SLC2A14: variants seen among roughly 807,000 people sequenced by gnomAD.
The protein encoded by SLC2A14 is solute carrier family 2 member 14.
A neutral mutation model predicts 43.0 loss-of-function variants in SLC2A14; 13 were observed. That is an observed-to-expected ratio of 0.30 (90% confidence interval 0.20 to 0.48). The LOEUF (loss-of-function observed/expected upper bound fraction) is 0.48, where lower values mean the gene tolerates loss of function less well. Among genes scored for constraint, SLC2A14 ranks in the 20% least tolerant of loss-of-function variants. The probability of loss-of-function intolerance (pLI) is 0.99; values close to 1 mark genes in which losing one functional copy is unlikely to be tolerated. For synonymous variants in SLC2A14, 190 were observed against 233.8 expected, an observed-to-expected ratio of 0.81 and a Z score of 1.71; for missense variants, 428 against 620.4, an observed-to-expected ratio of 0.69 and a Z score of 3.29.
At chr12:7,888,753 G>A (rs1043910692) in intron 1 of SLC2A14, among the ~76,000 whole-genome samples, 7 of 139,890 alleles carry the variant, frequency 5.0e-5, no homozygotes, top group South Asian at 2.2e-4. Flanking sequence ...AGCTGAGATC[G>A]TGCCACTGCA....
chr12:7,824,913 T>C (rs2120717150), intron 7 of SLC2A14, among the ~76,000 whole-genome samples: 1 of 151,454 alleles, frequency 6.6e-6, no homozygotes, highest in East Asian at 2.0e-4. Flanking sequence ...CAGGCTGGTC[T>C]CGAACTCCTG....
At chr12:7,861,436 G>C (rs1944556412) in intron 2 of SLC2A14, among the ~76,000 whole-genome samples, 1 of 151,958 alleles carries the variant, frequency 6.6e-6, no homozygotes. Flanking sequence ...CATTGCTTTT[G>C]TGCAAATTAG....
At chr12:7,831,554 C>G (rs1395221853) in intron 4 of SLC2A14, 50 bp downstream of exon 4, 1 of 1,608,176 alleles carries the variant, frequency 6.2e-7, no homozygotes, top group East Asian at 2.2e-5. Flanking sequence ...CACACTTGTC[C>G]CCAATGCATC....
chr12:7,869,973 C>T (rs2121058924), intron 1 of SLC2A14, 36 bp from the exon 2 acceptor site: 3 of 1,359,226 alleles, frequency 2.2e-6, no homozygotes, highest in Middle Eastern at 1.8e-4. Flanking sequence ...TCATTTACTC[C>T]ATCTACTTAA....
intron 1 of SLC2A14, among the ~76,000 whole-genome samples, chr12:7,879,018 C>CT (rs1209267537): frequency 8.4e-6 from 1 of 118,708 alleles, no homozygotes; most frequent in Middle Eastern, 4.8e-3. Flanking sequence ...ATTTGTCTTT[C>CT]TTTTTTTTCC....
intron 3 of SLC2A14, among the ~76,000 whole-genome samples, chr12:7,832,091 G>T (rs760613508): frequency 6.6e-6 from 1 of 152,240 alleles, no homozygotes; most frequent in Non-Finnish European, 1.5e-5. Context: ...CTGGGTGACA[G>T]AGCGAGACTA....
At chr12:7,834,327 T>C (rs944322968) in intron 2 of SLC2A14, among the ~76,000 whole-genome samples, 2 of 151,946 alleles carry the variant, frequency 1.3e-5, no homozygotes, top group Non-Finnish European at 2.9e-5. Context: ...TCCTCATGCC[T>C]TAGCTCCCAA....
At position 7,864,230 on chromosome 12, in the gene SLC2A14, C is replaced by T. The variant is rs760362164; in HGVS notation, c.18+5633G>A. On this transcript the variant is annotated intron_variant, in intron 2 of 10. Coordinates refer to ENST00000431042, the MANE Select transcript of SLC2A14 (RefSeq NM_001286234.2). ...AATATCTTCTCTGAATGTAGCCTAT[C>T]TTTTCACCATATACATGGGGCCTTT... 7.9e-5 allele frequency among the ~76,000 whole-genome samples: 12 copies of T among 152,244 alleles called. No individual in the cohort carries two copies. The East Asian group carries it at 2.1e-3, about 27-fold the overall frequency.
At chr12:7,814,663 G>T in intron 10 of SLC2A14, 129 bp from the exon 11 acceptor site, 1 of 1,004,028 alleles carries the variant, frequency 1.0e-6, no homozygotes, top group Non-Finnish European at 1.4e-6. Context: ...AAAACATAAA[G>T]GTTTCTTCAG....
At position 7,823,382 on chromosome 12, in the gene SLC2A14, CA is replaced by C. The variant is rs58264594; in HGVS notation, c.865-2058del. ...TGGGCAACAGAGCGAGACTCCATAT[CA>C]AAAAAAAAAAAGAAAAAAAAAGTAA... On this transcript the variant is annotated intron_variant, in intron 7 of 10. Transcript: ENST00000431042. 6.0e-3 allele frequency among the ~76,000 whole-genome samples: 806 copies of C among 134,068 alleles called. 13 individuals are homozygous for C. Among genetic ancestry groups the C allele is most frequent in the African/African-American group, 0.019 (694 of 35,962 alleles). 88.0% of individuals were successfully genotyped at this position (134,068 alleles called of 152,430 possible).
chr12:7,856,121 C>T (rs1363172872), intron 2 of SLC2A14: 6 of 152,068 alleles, frequency 3.9e-5, no homozygotes, highest in Non-Finnish European at 8.8e-5. Context: ...AAAACTTCAG[C>T]TTTCATGGGT....
chr12:7,815,149 G>A (rs1353722666), intron 10 of SLC2A14, among the ~76,000 whole-genome samples: 1 of 151,386 alleles, frequency 6.6e-6, no homozygotes, highest in Non-Finnish European at 1.5e-5. Context: ...GGTGGCTCAT[G>A]CCTGTAATCC....
At chr12:7,879,001 A>AC (rs957130294) in intron 1 of SLC2A14, among the ~76,000 whole-genome samples, 17 of 138,122 alleles carry the variant, frequency 1.2e-4, no homozygotes, top group Admixed American at 2.2e-4. Flanking sequence ...AAAAAAAAAA[A>AC]AAAACAATTT....
At chr12:7,861,976 A>C (rs1370769029) in intron 2 of SLC2A14, among the ~76,000 whole-genome samples, 1 of 136,784 alleles carries the variant, frequency 7.3e-6, no homozygotes, top group African/African-American at 2.7e-5. Flanking sequence ...AAAAAAAAAC[A>C]AAAACAAAGG....
intron 2 of SLC2A14, among the ~76,000 whole-genome samples, chr12:7,841,175 A>C (rs2040353866): frequency 6.6e-6 from 1 of 152,196 alleles, no homozygotes; most frequent in Non-Finnish European, 1.5e-5. Flanking sequence ...AATTGAGCAG[A>C]AAGTACACAG....
upstream of SLC2A14, chr12:7,872,927 G>C: frequency 1.0e-6 from 1 of 985,496 alleles, no homozygotes; most frequent in Non-Finnish European, 1.2e-6. Flanking sequence ...GCCTCGAAAA[G>C]CCTAGGATTC....
At chr12:7,833,505 G>A (rs1030785009) in intron 2 of SLC2A14, among the ~76,000 whole-genome samples, 5 of 152,244 alleles carry the variant, frequency 3.3e-5, no homozygotes, top group African/African-American at 1.2e-4. Flanking sequence ...GGTGGCTCAT[G>A]CCTGTCATCC....
Position 7,829,972 on chromosome 12 carries a change from C to A in SLC2A14, c.307G>T (p.Ala103Ser). ...AGTCCCATAAGGCAGCCACCAGTGG[C>A]AGCCAACAGGTTGACAATCAGCATT... The part of the protein sequence containing the change: ...NSMLIVNLLA[A>S]TGGCLMGLCK... The change falls in exon 5 of 11, where the codon GCC (alanine) becomes TCC (serine). Residue 103 changes from alanine to serine, a missense_variant. Around this residue, in one of 4 missense-constraint regions of SLC2A14, gnomAD observed 122 missense variants for 128.8 expected, o/e 0.95. Coordinates refer to ENST00000431042, the MANE Select transcript of SLC2A14 (RefSeq NM_001286234.2). 1 of 1,614,190 alleles carries A rather than the reference C, an allele frequency of 6.2e-7. No individual in the cohort carries two copies. The highest frequency in any genetic ancestry group is 8.5e-7 in the Non-Finnish European group (1 of 1,180,032).
upstream of SLC2A14, among the ~76,000 whole-genome samples, chr12:7,878,407 C>A (rs1204977163): frequency 6.6e-6 from 1 of 151,482 alleles, no homozygotes; most frequent in Non-Finnish European, 1.5e-5. Context: ...TACAGGCACC[C>A]ATCACCATGC....
Sources: allele counts gnomAD v4.1 joint callset (sites outside exome capture counted in the v4.1 genomes callset), GRCh38; gene constraint gnomAD v4.1.1; regional missense constraint gnomAD v4.1.1; transcripts MANE v1.5; gene names NCBI Gene and HGNC (gene_info 2026-07-23, HGNC 2026-07-21).